Variants in KMT2B observed in about 807,000 individuals in gnomAD.
KMT2B encodes the protein lysine methyltransferase 2B.
A neutral mutation model predicts 255.3 loss-of-function variants in KMT2B; 22 were observed. The ratio of observed to expected loss-of-function variants is 0.09; its 90% confidence interval spans 0.06 to 0.12. The LOEUF is 0.12. KMT2B is among the 10% of genes least tolerant of loss of function. The probability of loss-of-function intolerance (pLI) is 1.00; values close to 1 mark genes in which losing one functional copy is unlikely to be tolerated. For missense variants in KMT2B, 3,149 were observed against 3,737.0 expected (o/e 0.84, Z 4.10); for synonymous variants, 1,730 against 1,498.1 (o/e 1.15, Z -3.57).
chr19:35,721,087 C>T lies in KMT2B; in HGVS notation c.1740C>T (p.Val580=), dbSNP rs767552559. Reference sequence around the variant, plus strand: ...CTGTTCCCCAGGAGCCAGCACCAGTCCCCTCTCCACCACGTGCCCCAACTC... The same window carrying T: ...CTGTTCCCCAGGAGCCAGCACCAGTTCCCTCTCCACCACGTGCCCCAACTC... ...SPPVPQEPAP[V]PSPPRAPTPP... The change falls in exon 3 of 37, where the codon GTC becomes GTT. Residue 580 remains valine (V), a synonymous_variant. Coordinates refer to ENST00000420124, the MANE Select transcript of KMT2B (RefSeq NM_014727.3). 17 of 1,611,010 alleles carry T rather than the reference C, an allele frequency of 1.1e-5. No homozygotes were observed. In the Admixed American group the frequency reaches 1.2e-4, roughly 11 times the overall value.
Position 35,737,951 on chromosome 19 carries a change from G to T in KMT2B, c.7742+9G>T. The stretch of plus-strand genomic sequence containing the variant: ...GCTGTGGGTGTCTACAGGTGAGTGG[G>T]GTTGGGGGGGAGGATGCCCCTTGGG... On this transcript the variant is annotated intron_variant, in intron 35 of 36. Transcript: ENST00000420124. This position sits in a 1 kb window ranked among gnomAD's most constrained non-coding sequence, Gnocchi z 5.3. The T allele has an allele frequency of 6.2e-7, 1 of 1,603,110 alleles. No individual in the cohort carries two copies. The highest frequency in any genetic ancestry group is 8.5e-7 in the Non-Finnish European group (1 of 1,174,486).
intron 30 of KMT2B, chr19:35,736,110 G>C (rs1758167239): frequency 6.7e-6 from 1 of 150,362 alleles, no homozygotes. Context: ...AATTAGCCGG[G>C]CGTGGTGGTG....
chr19:35,718,586 C>T lies in KMT2B; in HGVS notation c.363+205C>T, dbSNP rs558136341. Among the ~76,000 whole-genome samples the T allele has an allele frequency of 9.8e-5, 15 of 152,334 alleles. 1 individual carries two copies. In the South Asian group the frequency reaches 3.1e-3, roughly 32 times the overall value. On this transcript the variant is annotated intron_variant, in intron 1 of 36. Coordinates refer to ENST00000420124, the MANE Select transcript of KMT2B (RefSeq NM_014727.3). This position sits in a 1 kb window ranked among gnomAD's most constrained non-coding sequence, Gnocchi z 5.0. ...TAGAGAAGCCCCGGCTGCAGCCAGGCACTCGCGCCCGATGTCGGTCCCGCT... is the reference window on the plus strand; with the variant it reads ...TAGAGAAGCCCCGGCTGCAGCCAGGTACTCGCGCCCGATGTCGGTCCCGCT...
rs770119810 is a variant in KMT2B, at chr19:35,727,935, G to A, written c.4447G>A (p.Glu1483Lys). 1 of 1,597,026 alleles carries A rather than the reference G, an allele frequency of 6.3e-7. No homozygotes were observed. Among genetic ancestry groups the A allele is most frequent in the Non-Finnish European group, 8.5e-7 (1 of 1,170,104 alleles). ...CCTCATGCGGCACTCGGAGGAGGGA[G>A]AGACCCCGGACCGCCGGGCTGGAGG... ...GILMRHSEEG[E>K]TPDRRAGGQM... Residue 1483 changes from glutamate to lysine, a missense_variant, in exon 18 of 37, where the codon GAG becomes AAG. By Grantham distance (56) the Glu-to-Lys change is moderately conservative (BLOSUM62 1). Around this residue, in one of 18 missense-constraint regions of KMT2B, gnomAD observed 377 missense variants for 471.0 expected, o/e 0.80. Coordinates refer to ENST00000420124, the MANE Select transcript of KMT2B (RefSeq NM_014727.3). The surrounding 1 kb of genome is among the most constrained non-coding windows in gnomAD (Gnocchi z 4.2).
chr19:35,727,177 C>T lies in KMT2B; in HGVS notation c.4025C>T (p.Thr1342Ile), dbSNP rs748919077. The part of the protein sequence containing the change: ...YEKGNYCPIC[T>I]RCYEDNDYES... ...CTAGGAAACTACTGCCCGATCTGTA[C>T]ACGCTGCTATGAAGACAACGACTAT... is the stretch of plus-strand genomic sequence containing the variant. The change falls in exon 15 of 37, where the codon ACA (threonine) becomes ATA (isoleucine). Residue 1342 changes from threonine to isoleucine, a missense_variant. Coordinates refer to ENST00000420124, the MANE Select transcript of KMT2B (RefSeq NM_014727.3). This position sits in a 1 kb window ranked among gnomAD's most constrained non-coding sequence, Gnocchi z 4.2. The T allele has an allele frequency of 6.2e-7, 1 of 1,612,860 alleles. No homozygotes were observed. The highest frequency in any genetic ancestry group is 1.7e-5 in the Admixed American group (1 of 59,870).
At position 35,730,759 on chromosome 19, in the gene KMT2B, C is replaced by A. The variant is rs755887571; in HGVS notation, c.5329C>A (p.Arg1777=). The change falls in exon 26 of 37, where the codon CGG becomes AGG. Residue 1777 remains arginine, a synonymous_variant. Coordinates refer to ENST00000420124, the MANE Select transcript of KMT2B (RefSeq NM_014727.3). ...GGATGCTCGGAGGCGCTGCTGGTATCGGTGCCGAATTCTGGAGTATCGGCC... is the reference window on the plus strand; with the variant it reads ...GGATGCTCGGAGGCGCTGCTGGTATAGGTGCCGAATTCTGGAGTATCGGCC... The part of the protein sequence containing the change: ...TVDARRRCWY[R]CRILEYRPWG... The A allele has an allele frequency of 6.2e-7, 1 of 1,613,864 alleles. No individual in the cohort carries two copies. The highest frequency in any genetic ancestry group is 1.1e-5 in the South Asian group (1 of 91,084).
In KMT2B at chr19:35,729,269, T is replaced by C; in HGVS notation, c.4890T>C (p.His1630=). 6.2e-7 allele frequency: 1 copy of C among 1,602,346 alleles called. No individual in the cohort carries two copies. Among genetic ancestry groups the C allele is most frequent in the Non-Finnish European group, 8.5e-7 (1 of 1,174,688 alleles). Residue 1630 remains histidine, a synonymous_variant, in exon 22 of 37, where the codon CAT becomes CAC. Coordinates refer to ENST00000420124, the MANE Select transcript of KMT2B (RefSeq NM_014727.3). The stretch of plus-strand genomic sequence containing the variant: ...ACGACGGCTCCCTCAAGAATGTGCA[T>C]GCTGCTGTGGCCCGAGGGAGGCAGA... ...EENDGSLKNV[H]AAVARGRQMR...
chr19:35,724,580 T>C, intron 8 of KMT2B, 57 bp from the exon 9 acceptor site: 1 of 1,392,392 alleles, frequency 7.2e-7, no homozygotes, highest in Non-Finnish European at 1.0e-6. Context: ...TTTGGGGTTG[T>C]AGAAGAAGAG....
chr19:35,727,009 C>T lies in KMT2B; in HGVS notation c.4004-147C>T, dbSNP rs1007499733. ...AAAAAAAAAAAAAAAAAAAAAGCCT[C>T]ATCCTCAAGGAGCTTTTAGGGACTA... On this transcript the variant is annotated intron_variant, in intron 14 of 36. Transcript: ENST00000420124. The surrounding 1 kb of genome is among the most constrained non-coding windows in gnomAD (Gnocchi z 4.2). The T allele has an allele frequency of 2.0e-5, 8 of 407,004 alleles. No homozygotes were observed. The highest frequency in any genetic ancestry group is 5.7e-5 in the South Asian group (2 of 35,248). The allele number at this position is 407,004 out of a possible 1,614,324, so 25.2% of individuals were successfully genotyped here. A position where few individuals can be genotyped will look rare whatever the true frequency, so the allele number is the denominator to read the frequency against.
chr19:35,718,340 G>C lies in KMT2B; in HGVS notation c.322G>C (p.Val108Leu). 7.9e-7 allele frequency: 1 copy of C among 1,259,766 alleles called. No individual in the cohort carries two copies. Among genetic ancestry groups the C allele is most frequent in the Non-Finnish European group, 1.0e-6 (1 of 995,714 alleles). The allele number at this position is 1,259,766 out of a possible 1,614,324, so 78.0% of individuals were successfully genotyped here. A position where few individuals can be genotyped will look rare whatever the true frequency, so the allele number is the denominator to read the frequency against. Residue 108 changes from valine (V) to leucine (L), a missense_variant, in exon 1 of 37, where the codon GTG (valine) becomes CTG (leucine). By Grantham distance (32) the Val-to-Leu change is conservative (BLOSUM62 1). Transcript: ENST00000420124. The surrounding 1 kb of genome is among the most constrained non-coding windows in gnomAD (Gnocchi z 5.0). ...GRGWGPSRGCVPEEESSDGES... is the reference protein window; with the variant it reads ...GRGWGPSRGCLPEEESSDGES... ...GGGCTGGGGCCCGAGTCGAGGCTGC[G>C]TGCCGGAGGAGGAGAGCAGTGACGG... is the stretch of plus-strand genomic sequence containing the variant.
At chr19:35,722,909 G>A (rs556996053) in intron 5 of KMT2B, 86 bp from the exon 6 acceptor site, 2 of 1,451,610 alleles carry the variant, frequency 1.4e-6, no homozygotes, top group African/African-American at 1.4e-5. Flanking sequence ...GAGAAAGCGA[G>A]AGCCAGGTTG....
chr19:35,723,350 G>A lies in KMT2B; in HGVS notation c.3002+76G>A, dbSNP rs1473160669. 6.4e-7 allele frequency: 1 copy of A among 1,559,636 alleles called. No individual in the cohort carries two copies. Among genetic ancestry groups the A allele is most frequent in the Non-Finnish European group, 8.7e-7 (1 of 1,147,524 alleles). ...TTCCTACCTCACTCCTCTTCTGCCT[G>A]GCCAGAGCAGTGGGGTTGGCATTCT... is the stretch of plus-strand genomic sequence containing the variant. On this transcript the variant is annotated intron_variant, in intron 6 of 36. Transcript: ENST00000420124. This position sits in a 1 kb window ranked among gnomAD's most constrained non-coding sequence, Gnocchi z 7.5.
chr19:35,730,328 A>AC lies in KMT2B; in HGVS notation c.5077-9dup, dbSNP rs770959213. The AC allele has an allele frequency of 1.9e-6, 3 of 1,608,410 alleles. No individual in the cohort carries two copies. The East Asian group carries it at 6.7e-5, about 36-fold the overall frequency. ...ACCAATGCAGCCACCTCACTTTGCC[A>AC]CCCCCTCTTCCAGGAAATTGTGAAC... On this transcript the variant is annotated splice_polypyrimidine_tract_variant and intron_variant, in intron 23 of 36. Coordinates refer to ENST00000420124, the MANE Select transcript of KMT2B (RefSeq NM_014727.3).
rs1466187746 is a variant in KMT2B, at chr19:35,719,492, T to C, written c.387T>C (p.Asp129=). ...DEEEFQGFHS[D]EDVAPSSLRS... is the part of the protein sequence containing the mutation. ...AGGAGTTTCAGGGTTTTCATTCAGA[T>C]GAAGATGTGGCCCCCAGTTCCCTGC... Residue 129 remains aspartate, a synonymous_variant, in exon 2 of 37, where the codon GAT becomes GAC. Coordinates refer to ENST00000420124, the MANE Select transcript of KMT2B (RefSeq NM_014727.3). The C allele has an allele frequency of 5.0e-6, 8 of 1,589,242 alleles. No homozygotes were observed. Among genetic ancestry groups the C allele is most frequent in the Non-Finnish European group, 6.8e-6 (8 of 1,167,986 alleles).
In KMT2B at chr19:35,733,295, TCCGCCCTGCC is replaced by T; in HGVS notation, c.6753_6762del (p.Ala2252ArgfsTer6). 1 of 1,456,840 alleles carries T rather than the reference TCCGCCCTGCC, an allele frequency of 6.9e-7. No homozygotes were observed. Among genetic ancestry groups the T allele is most frequent in the Non-Finnish European group, 9.3e-7 (1 of 1,072,638 alleles). The allele number at this position is 1,456,840 out of a possible 1,614,324, so 90.2% of individuals were successfully genotyped here. On this transcript the variant is annotated frameshift_variant, in exon 28 of 37. Coordinates refer to ENST00000420124, the MANE Select transcript of KMT2B (RefSeq NM_014727.3). LOFTEE classifies it high-confidence loss of function. The surrounding 1 kb of genome is among the most constrained non-coding windows in gnomAD (Gnocchi z 4.3). ...GGCGTGCTGCCCGTGGTCGGAGTGG[TCCGCCCTGCC>T]CCGCCCCCGCCACCCCCTCCCCTGA... is the stretch of plus-strand genomic sequence containing the variant.
chr19:35,734,266 G>A (rs1163140010), intron 30 of KMT2B, among the ~76,000 whole-genome samples: 72 of 152,038 alleles, frequency 4.7e-4, no homozygotes, highest in Non-Finnish European at 2.9e-5. Flanking sequence ...TCAGAAGAGT[G>A]GTGTCCCAGA....
chr19:35,728,229 G>A, intron 19 of KMT2B, 58 bp downstream of exon 19: 1 of 1,455,742 alleles, frequency 6.9e-7, no homozygotes, highest in African/African-American at 1.4e-5. Flanking sequence ...GCCAGGGCAT[G>A]CAGGGGCCAC....
In KMT2B at chr19:35,722,632, T is replaced by G. The variant is rs1461617548; in HGVS notation, c.2636T>G (p.Leu879Arg). Residue 879 changes from leucine to arginine, a missense_variant, in exon 5 of 37, where the codon CTG (leucine) becomes CGG (arginine). Physicochemically the swap from Leu to Arg is moderately radical, Grantham distance 102. Transcript: ENST00000420124. ...KHVCRHAAVA[L>R]GQARAMVPED... ...GTCTGCCGTCATGCTGCTGTGGCCC[T>G]GGGTCAGGCCCGGGCCATGGTGCCT... 4 of 1,612,624 alleles carry G rather than the reference T, an allele frequency of 2.5e-6. No individual in the cohort carries two copies. The highest frequency in any genetic ancestry group is 3.4e-6 in the Non-Finnish European group (4 of 1,179,570).
chr19:35,719,525 G>T lies in KMT2B; in HGVS notation c.420G>T (p.Ala140=), dbSNP rs756417331. The T allele has an allele frequency of 1.3e-6, 2 of 1,591,390 alleles. No homozygotes were observed. Among genetic ancestry groups the T allele is most frequent in the Non-Finnish European group, 8.6e-7 (1 of 1,169,062 alleles). Residue 140 remains alanine, a synonymous_variant, in exon 2 of 37, where the codon GCG becomes GCT. Transcript: ENST00000420124. The part of the protein sequence containing the change: ...EDVAPSSLRS[A]LRSQRGRAPR... Reference sequence around the variant, plus strand: ...TGGCCCCCAGTTCCCTGCGCTCTGCGCTCCGATCCCAGCGAGGTGAGTGAC... The same window carrying T: ...TGGCCCCCAGTTCCCTGCGCTCTGCTCTCCGATCCCAGCGAGGTGAGTGAC...
Sources: allele counts gnomAD v4.1 joint callset (sites outside exome capture counted in the v4.1 genomes callset), GRCh38; gene constraint gnomAD v4.1.1; regional missense constraint gnomAD v4.1.1; non-coding constraint Gnocchi (gnomAD v3.1); transcripts MANE v1.5; gene names NCBI Gene and HGNC (gene_info 2026-07-23, HGNC 2026-07-21).